Variants in SYNCRIP observed in about 807,000 individuals in gnomAD.
The protein encoded by SYNCRIP is heterogeneous nuclear ribonucleoprotein Q.
In SYNCRIP, 9 loss-of-function variants were observed where a neutral mutation model predicts 68.9. The ratio of observed to expected loss-of-function variants is 0.13; its 90% CI spans 0.08 to 0.23. The LOEUF (loss-of-function observed/expected upper bound fraction) is 0.23. Among genes scored for constraint, SYNCRIP ranks in the 10% least tolerant of loss-of-function variants. The pLI, the probability that SYNCRIP is intolerant of heterozygous loss-of-function variation, is 1.00. For synonymous variants in SYNCRIP, 258 were observed against 254.0 expected, an observed-to-expected ratio of 1.02 and a Z score of -0.15; for missense variants, 414 against 770.6, an observed-to-expected ratio of 0.54 and a Z score of 5.48.
At chr6:85,613,272 T>C (rs1290354720), downstream of SYNCRIP, among the ~76,000 whole-genome samples, 1 of 152,172 alleles carries the variant, frequency 6.6e-6, no homozygotes, top group Non-Finnish European at 1.5e-5. Context: ...ATTCCCATTT[T>C]TGAGACATGA....
At chr6:85,620,467 A>C (rs1806265744) in intron 8 of SYNCRIP, among the ~76,000 whole-genome samples, 1 of 152,224 alleles carries the variant, frequency 6.6e-6, no homozygotes, top group African/African-American at 2.4e-5. Context: ...CATTCTGAGA[A>C]GGCAAAACTA....
chr6:85,622,339 A>G (rs1806511856), intron 8 of SYNCRIP, 143 bp downstream of exon 8: 2 of 814,514 alleles, frequency 2.5e-6, no homozygotes, highest in East Asian at 2.6e-5. Context: ...ATGGCACTCC[A>G]GCCTGGGAAA....
At chr6:85,611,594 A>G (rs1805250072), downstream of SYNCRIP, 1 of 152,468 alleles carries the variant, frequency 6.6e-6, no homozygotes, top group Admixed American at 6.5e-5. Flanking sequence ...TTAAGCTATC[A>G]ACTTAGGACT....
chr6:85,642,277 C>T (rs1489662565), intron 1 of SYNCRIP, among the ~76,000 whole-genome samples: 1 of 152,146 alleles, frequency 6.6e-6, no homozygotes, highest in Non-Finnish European at 1.5e-5. Flanking sequence ...CGGGCGCCGA[C>T]GACCCCCGGC....
chr6:85,624,894 A>G (rs1451397358), intron 6 of SYNCRIP, among the ~76,000 whole-genome samples: 1 of 152,230 alleles, frequency 6.6e-6, no homozygotes. Context: ...TTTGTTACTA[A>G]TAATGGCGGC....
chr6:85,610,150 G>A (rs1229916803), downstream of SYNCRIP: 1 of 151,760 alleles, frequency 6.6e-6, no homozygotes, highest in Non-Finnish European at 1.5e-5. Context: ...TTTTACTACA[G>A]AAATTTAAGT....
chr6:85,635,229 CT>C (rs1276432294), intron 6 of SYNCRIP, among the ~76,000 whole-genome samples: 1 of 152,094 alleles, frequency 6.6e-6, no homozygotes, highest in Non-Finnish European at 1.5e-5. Context: ...TAAAATGCCC[CT>C]CCCCTCAAAT....
At chr6:85,613,274 G>A (rs1381529086), downstream of SYNCRIP, among the ~76,000 whole-genome samples, 1 of 151,656 alleles carries the variant, frequency 6.6e-6, no homozygotes, top group East Asian at 1.9e-4. Context: ...TCCCATTTTT[G>A]AGACATGAAG....
chr6:85,641,088 C>T (rs1809086231), intron 2 of SYNCRIP, among the ~76,000 whole-genome samples: 1 of 152,174 alleles, frequency 6.6e-6, no homozygotes. Context: ...GCATGCAAGC[C>T]AGCCTTTAGC....
At chr6:85,628,827 T>C (rs1485444024) in intron 6 of SYNCRIP, among the ~76,000 whole-genome samples, 1 of 152,232 alleles carries the variant, frequency 6.6e-6, no homozygotes, top group Non-Finnish European at 1.5e-5. Context: ...CTGACGGTCA[T>C]CCAAGGCATT....
intron 6 of SYNCRIP, among the ~76,000 whole-genome samples, chr6:85,624,469 C>A (rs1806808550): frequency 6.6e-6 from 1 of 152,190 alleles, no homozygotes; most frequent in African/African-American, 2.4e-5. Flanking sequence ...AAGATCTCTG[C>A]CGTTCTGTTA....
intron 4 of SYNCRIP, among the ~76,000 whole-genome samples, chr6:85,638,692 T>A (rs1212426993): frequency 1.3e-5 from 2 of 152,334 alleles, no homozygotes; most frequent in African/African-American, 4.8e-5. Flanking sequence ...AAAACATTCA[T>A]AAACTTGCTC....
chr6:85,626,429 G>C (rs916070795), intron 6 of SYNCRIP, among the ~76,000 whole-genome samples: 7 of 152,020 alleles, frequency 4.6e-5, no homozygotes, highest in African/African-American at 1.7e-4. Context: ...GCAAAAACAG[G>C]AGTGATTTTG....
intron 10 of SYNCRIP, among the ~76,000 whole-genome samples, chr6:85,618,536 G>A (rs1468606902): frequency 2.0e-5 from 3 of 151,946 alleles, no homozygotes; most frequent in South Asian, 4.1e-4. Flanking sequence ...GTGAGACTCT[G>A]TCACCCAATA....
intron 2 of SYNCRIP, 106 bp downstream of exon 2, chr6:85,641,186 C>T: frequency 1.2e-6 from 1 of 839,618 alleles, no homozygotes; most frequent in Non-Finnish European, 1.9e-6. Context: ...AGCAAAACTC[C>T]AGTACCCACA....
chr6:85,620,909 C>CCT lies in SYNCRIP; in HGVS notation c.1009-1494_1009-1493dup, dbSNP rs1806306439. Among the ~76,000 whole-genome samples the CCT allele has an allele frequency of 2.6e-5, 4 of 152,122 alleles. No homozygotes were observed. In the South Asian group the frequency reaches 8.3e-4, roughly 32 times the overall value. On this transcript the variant is annotated intron_variant, in intron 8 of 10. Transcript: ENST00000369622. Reference sequence around the variant, plus strand: ...TTTCCTAACAAAGTAAATACCATGCCCTCTAAGAGAGTTATTGAATGTTTA... The same window carrying CCT: ...TTTCCTAACAAAGTAAATACCATGCCCTCTCTAAGAGAGTTATTGAATGTTTA...
intron 6 of SYNCRIP, among the ~76,000 whole-genome samples, chr6:85,628,186 GC>G (rs1807282200): frequency 1.3e-5 from 2 of 152,092 alleles, no homozygotes; most frequent in African/African-American, 2.4e-5. Context: ...CTCCCTAGTA[GC>G]TGGGACCACA....
intron 6 of SYNCRIP, 116 bp from the exon 7 acceptor site, chr6:85,624,228 A>G (rs1465275254): frequency 1.1e-6 from 1 of 948,786 alleles, no homozygotes; most frequent in Non-Finnish European, 1.6e-6. Flanking sequence ...CTTAATTCCC[A>G]TACAAGGGAA....
At chr6:85,627,758 T>A in intron 6 of SYNCRIP, among the ~76,000 whole-genome samples, 1 of 152,268 alleles carries the variant, frequency 6.6e-6, no homozygotes, top group East Asian at 1.9e-4. Flanking sequence ...GTTGTAAAAA[T>A]CTAGCCTTCA....
Sources: allele counts gnomAD v4.1 joint callset (sites outside exome capture counted in the v4.1 genomes callset), GRCh38; gene constraint gnomAD v4.1.1; transcripts MANE v1.5; gene names NCBI Gene and HGNC (gene_info 2026-07-23, HGNC 2026-07-21).